Variants in ATP1A3 observed in about 807,000 individuals in gnomAD.
ATP1A3 encodes the protein sodium/potassium-transporting ATPase subunit alpha-3.
In ATP1A3, 12 loss-of-function variants were observed where a neutral mutation model predicts 108.8. The ratio of observed to expected loss-of-function variants is 0.11; its 90% CI spans 0.07 to 0.18. ATP1A3 has a LOEUF of 0.18. ATP1A3 is among the 10% of genes least tolerant of loss of function. ATP1A3 has a pLI of 1.00. For synonymous variants in ATP1A3, 539 were observed against 564.5 expected (o/e 0.95, Z 0.64); for missense variants, 498 against 1,387.7 (o/e 0.36, Z 10.19).
rs80201511 is a variant in ATP1A3, at chr19:41,992,587, G to T, written c.6+1484C>A. On this transcript the variant is annotated intron_variant, in intron 1 of 22. Coordinates refer to ENST00000648268, the MANE Select transcript of ATP1A3 (RefSeq NM_152296.5). ...TCTTCCTGTCCCTCAGGCTGACTGTGGTTGCCGCTAGATAGGAAATATCTG... is the reference window on the plus strand; with the variant it reads ...TCTTCCTGTCCCTCAGGCTGACTGTTGTTGCCGCTAGATAGGAAATATCTG... 2.1e-3 allele frequency among the ~76,000 whole-genome samples: 325 copies of T among 152,130 alleles called. 3 individuals are homozygous for T. The East Asian group carries it at 0.026, about 12-fold the overall frequency.
intron 11 of ATP1A3, among the ~76,000 whole-genome samples, chr19:41,980,618 A>G (rs2075220783): frequency 6.7e-6 from 1 of 149,292 alleles, no homozygotes; most frequent in African/African-American, 2.5e-5. Context: ...ATCTCAAAAA[A>G]AAGTTTACTG....
In ATP1A3 at chr19:41,974,457, A is replaced by C. The variant is rs543127129; in HGVS notation, c.2263+1172T>G. ...GACTCTATCCCCGCCCCCAGCCCCC[A>C]AAAAAAGATGTCTCTTGGGAGATAA... On this transcript the variant is annotated intron_variant, in intron 16 of 22. Transcript: ENST00000648268. Among the ~76,000 whole-genome samples the C allele has an allele frequency of 1.9e-3, 295 of 152,126 alleles. 2 individuals are homozygous for C. Among genetic ancestry groups the C allele is most frequent in the Admixed American group, 4.1e-3 (63 of 15,272 alleles).
rs187770218 is a variant in ATP1A3 at position 41,978,400 on chromosome 19, A to T, written c.1631-74T>A. 1.5e-4 allele frequency: 230 copies of T among 1,526,524 alleles called. 1 individual carries two copies. In the East Asian group the frequency reaches 5.0e-3, roughly 33 times the overall value. 94.6% of individuals were successfully genotyped at this position (1,526,524 alleles called of 1,614,324 possible). ...CCGCCCCATGCCCCTAGATGTCTGC[A>T]TCGCCCGCATTCCATCTCCCCATCA... On this transcript the variant is annotated intron_variant, in intron 12 of 22. Transcript: ENST00000648268. The surrounding 1 kb of genome is among the most constrained non-coding windows in gnomAD (Gnocchi z 8.3).
chr19:41,993,558 T>TCCC (rs2075360629), intron 1 of ATP1A3: 1 of 1,188,516 alleles, frequency 8.4e-7, no homozygotes, highest in Admixed American at 2.5e-5. Context: ...CACTGCGGAG[T>TCCC]CCCCCCATCC....
intron 16 of ATP1A3, among the ~76,000 whole-genome samples, chr19:41,971,070 C>T (rs1555859828): frequency 6.6e-6 from 1 of 151,154 alleles, no homozygotes; most frequent in Non-Finnish European, 1.5e-5. Flanking sequence ...CTCAAGTGAT[C>T]CTCCTGCCTC....
chr19:41,970,956 C>CA (rs1555859787), intron 16 of ATP1A3, among the ~76,000 whole-genome samples: 1 of 150,274 alleles, frequency 6.7e-6, no homozygotes, highest in Non-Finnish European at 1.5e-5. Context: ...TTCTACCCCC[C>CA]AGCCCACCCA....
intron 16 of ATP1A3, among the ~76,000 whole-genome samples, chr19:41,972,173 C>T (rs1012800236): frequency 2.0e-5 from 3 of 152,040 alleles, no homozygotes; most frequent in Admixed American, 2.0e-4. Flanking sequence ...TCATTTGAAC[C>T]TCAGAGGCAG....
chr19:41,966,830 C>T lies in ATP1A3; in HGVS notation c.*107G>A. 3 of 1,544,170 alleles carry T rather than the reference C, an allele frequency of 1.9e-6. No homozygotes were observed. Among genetic ancestry groups the T allele is most frequent in the Non-Finnish European group, 2.6e-6 (3 of 1,143,574 alleles). The stretch of plus-strand genomic sequence containing the variant: ...GGGGGTGGGGGCCAAGGTGGGGCCA[C>T]AGGAAGAGAGGGCTCCTCCCCCCAG... On this transcript the variant is annotated 3_prime_UTR_variant, in exon 23 of 23. Transcript: ENST00000648268.
chr19:41,967,590 C>A lies in ATP1A3; in HGVS notation c.2921+72G>T. The A allele has an allele frequency of 6.6e-7, 1 of 1,520,926 alleles. No individual in the cohort carries two copies. Among genetic ancestry groups the A allele is most frequent in the South Asian group, 1.1e-5 (1 of 87,012 alleles). 94.2% of individuals were successfully genotyped at this position (1,520,926 alleles called of 1,614,324 possible). A position where few individuals can be genotyped will look rare whatever the true frequency, so the allele number is the denominator to read the frequency against. ...ACCAGGGGAGGTGGGGCCTGAGGTT[C>A]AGGCTGAGTCTAAGGGAAGGCTCCA... On this transcript the variant is annotated intron_variant, in intron 21 of 22. Transcript: ENST00000648268. This position sits in a 1 kb window ranked among gnomAD's most constrained non-coding sequence, Gnocchi z 4.2.
At chr19:41,986,085 C>A in intron 5 of ATP1A3, 31 bp downstream of exon 5, 1 of 1,614,164 alleles carries the variant, frequency 6.2e-7, no homozygotes, top group Non-Finnish European at 8.5e-7. Context: ...CACTAACACC[C>A]CCGTCTGGCC....
At position 41,985,410 on chromosome 19, in the gene ATP1A3, G is replaced by T; in HGVS notation, c.620C>A (p.Ser207Tyr). ...CTGGGGCTCGGATTCGCCAGTCAGG[G>T]AGGAGTTGTCCACCTGGGGGTAGGT... The part of the protein sequence containing the change: ...SAHGCKVDNS[S>Y]LTGESEPQTR... Residue 207 changes from serine to tyrosine, a missense_variant, in exon 7 of 23, where the codon TCC (serine) becomes TAC (tyrosine). Ser to Tyr is a moderately radical substitution (Grantham distance 144, BLOSUM62 -2). Transcript: ENST00000648268. This position sits in a 1 kb window ranked among gnomAD's most constrained non-coding sequence, Gnocchi z 8.2. 1 of 1,614,194 alleles carries T rather than the reference G, an allele frequency of 6.2e-7. No homozygotes were observed. The highest frequency in any genetic ancestry group is 1.1e-5 in the South Asian group (1 of 91,076).
intron 16 of ATP1A3, among the ~76,000 whole-genome samples, chr19:41,972,372 T>A (rs968645651): frequency 6.6e-6 from 1 of 151,578 alleles, no homozygotes; most frequent in Non-Finnish European, 1.5e-5. Flanking sequence ...CAGTGACTGA[T>A]GATTGCAGCA....
rs1555861362 is a variant in ATP1A3, at chr19:41,976,553, A to C, written c.1957T>G (p.Cys653Gly). ...TTGAGGTCGGTGCCGTGGATCACGC[A>C]GGCCTTGGCATCCCTGGGAAGAGCA... ...SQVNPRDAKACVIHGTDLKDF... is the reference protein window; with the variant it reads ...SQVNPRDAKAGVIHGTDLKDF... The change falls in exon 15 of 23, where the codon TGC becomes GGC. Residue 653 changes from cysteine (C) to glycine (G), a missense_variant. Cys to Gly is a radical substitution (Grantham distance 159). Coordinates refer to ENST00000648268, the MANE Select transcript of ATP1A3 (RefSeq NM_152296.5). The C allele has an allele frequency of 6.2e-7, 1 of 1,613,906 alleles. No individual in the cohort carries two copies. Among genetic ancestry groups the C allele is most frequent in the African/African-American group, 1.3e-5 (1 of 74,894 alleles).
intron 1 of ATP1A3, chr19:41,993,497 G>A: frequency 1.5e-6 from 2 of 1,349,326 alleles, no homozygotes; most frequent in Non-Finnish European, 2.0e-6. Context: ...ACACTGCGGA[G>A]CCTGCACACA....
chr19:41,985,185 G>A lies in ATP1A3; in HGVS notation c.726C>T (p.Gly242=). ...ITFFSTNCVE[G]TARGVVVATG... The stretch of plus-strand genomic sequence containing the variant: ...TGGCCACCACCACGCCCCGAGCCGT[G>A]CCTGCAGGCCAGAGGGGTTAGGCTG... The change falls in exon 8 of 23, where the codon GGC becomes GGT. Residue 242 remains glycine (G), a splice_region_variant and synonymous_variant. Coordinates refer to ENST00000648268, the MANE Select transcript of ATP1A3 (RefSeq NM_152296.5). This position sits in a 1 kb window ranked among gnomAD's most constrained non-coding sequence, Gnocchi z 8.2. 1 of 1,613,548 alleles carries A rather than the reference G, an allele frequency of 6.2e-7. No individual in the cohort carries two copies. The highest frequency in any genetic ancestry group is 8.5e-7 in the Non-Finnish European group (1 of 1,179,662).
rs782733337 is a variant in ATP1A3, at chr19:41,994,115, C to T, written c.-39G>A. Reference sequence around the variant, plus strand: ...CGGCGAGAGAGCCAGGCGGGCGGGGCGGGGACCTCGGGGCGGGCTCAGGCT... The same window carrying T: ...CGGCGAGAGAGCCAGGCGGGCGGGGTGGGGACCTCGGGGCGGGCTCAGGCT... On this transcript the variant is annotated 5_prime_UTR_variant, in exon 1 of 23. Transcript: ENST00000648268. The T allele has an allele frequency of 2.6e-6, 4 of 1,555,028 alleles. No homozygotes were observed. Among genetic ancestry groups the T allele is most frequent in the Non-Finnish European group, 3.5e-6 (4 of 1,155,108 alleles).
chr19:41,969,950 G>A (rs543289822), intron 18 of ATP1A3, among the ~76,000 whole-genome samples: 1 of 152,316 alleles, frequency 6.6e-6, no homozygotes, highest in South Asian at 2.1e-4. Flanking sequence ...TGCTTGCTGG[G>A]ACAGCCCCCA....
At position 41,981,412 on chromosome 19, in the gene ATP1A3, G is replaced by C; in HGVS notation, c.1437+90C>G. 1.9e-6 allele frequency: 3 copies of C among 1,590,548 alleles called. No homozygotes were observed. Among genetic ancestry groups the C allele is most frequent in the Non-Finnish European group, 2.6e-6 (3 of 1,160,170 alleles). On this transcript the variant is annotated intron_variant, in intron 11 of 22. Coordinates refer to ENST00000648268, the MANE Select transcript of ATP1A3 (RefSeq NM_152296.5). The surrounding 1 kb of genome is among the most constrained non-coding windows in gnomAD (Gnocchi z 5.0). ...CGGGTATTATCATTCCCATTTTACAGACGGGAAAATCAAGGCTCTATGACA... is the reference window on the plus strand; with the variant it reads ...CGGGTATTATCATTCCCATTTTACACACGGGAAAATCAAGGCTCTATGACA...
rs1012004309 is a variant in ATP1A3, at chr19:41,968,671, G to A, written c.2819+114C>T. The A allele has an allele frequency of 5.9e-6, 9 of 1,521,480 alleles. 1 individual carries two copies. In the South Asian group the frequency reaches 1.0e-4, roughly 18 times the overall value. 94.2% of individuals were successfully genotyped at this position (1,521,480 alleles called of 1,614,324 possible). A position where few individuals can be genotyped will look rare whatever the true frequency, so the allele number is the denominator to read the frequency against. On this transcript the variant is annotated intron_variant, in intron 20 of 22. Transcript: ENST00000648268. The surrounding 1 kb of genome is among the most constrained non-coding windows in gnomAD (Gnocchi z 5.0). Reference sequence around the variant, plus strand: ...AGTCTGGGTGACAGAGTGAGACCCTGCCTCAACAAAACAACAAAAAACCAA... The same window carrying A: ...AGTCTGGGTGACAGAGTGAGACCCTACCTCAACAAAACAACAAAAAACCAA...
Sources: gnomAD v4.1 joint callset for allele counts (sites outside exome capture counted in the v4.1 genomes callset) on GRCh38, gnomAD v4.1.1 for gene constraint, Gnocchi (gnomAD v3.1) non-coding constraint, MANE v1.5 for transcripts, NCBI Gene and HGNC (gene_info 2026-07-23, HGNC 2026-07-21) for gene names.